The following FAM167A variants were observed in gnomAD, a reference collection of about 807,000 sequenced individuals.
FAM167A encodes the protein protein FAM167A.
A neutral mutation model predicts 14.9 loss-of-function variants in FAM167A; 23 were observed. That is an observed-to-expected ratio of 1.55 (90% CI 1.11 to 2.19). FAM167A has a LOEUF of 2.19. Among genes scored for constraint, FAM167A ranks in the 30% most tolerant of loss-of-function variants. The pLI is 0.00. For synonymous variants in FAM167A, 174 were observed against 117.7 expected, an observed-to-expected ratio of 1.48 and a Z score of -3.10; for missense variants, 401 against 281.5, an observed-to-expected ratio of 1.42 and a Z score of -3.04.
chr8:11,466,098 C>T (rs1449226758), intron 1 of FAM167A, among the ~76,000 whole-genome samples: 2 of 152,136 alleles, frequency 1.3e-5, no homozygotes, highest in African/African-American at 4.8e-5. Flanking sequence ...TCCCGGGGGC[C>T]CCTGCGGCTG....
At chr8:11,449,015 A>G (rs1252203290) in intron 1 of FAM167A, among the ~76,000 whole-genome samples, 1 of 152,228 alleles carries the variant, frequency 6.6e-6, no homozygotes, top group African/African-American at 2.4e-5. Flanking sequence ...TTGGGGAGTC[A>G]CTATTTTAGA....
At chr8:11,435,018 C>G (rs1303525510) in intron 2 of FAM167A, 1 of 456,648 alleles carries the variant, frequency 2.2e-6, no homozygotes, top group Non-Finnish European at 4.4e-6. Flanking sequence ...GGGCCTCCTC[C>G]CTGCCTGCCT....
At chr8:11,434,847 A>G in intron 2 of FAM167A, 1 of 353,566 alleles carries the variant, frequency 2.8e-6, no homozygotes, top group Non-Finnish European at 5.6e-6. Context: ...CTTGGAACTG[A>G]GGAGGTTCTG....
At chr8:11,443,755 G>C in intron 2 of FAM167A, 2 of 410,660 alleles carry the variant, frequency 4.9e-6, no homozygotes, top group Non-Finnish European at 8.8e-6. Flanking sequence ...GGGGAGGGGG[G>C]TACACCTTAA....
intron 2 of FAM167A, among the ~76,000 whole-genome samples, chr8:11,438,969 G>C (rs951769494): frequency 2.0e-5 from 3 of 152,338 alleles, no homozygotes; most frequent in African/African-American, 7.2e-5. Flanking sequence ...GCAACCTCCT[G>C]TGTGACCTTT....
rs1804888633 is a variant in FAM167A, at chr8:11,423,283, A to C, written c.*1090T>G. 1 of 152,376 alleles carries C rather than the reference A, an allele frequency of 6.6e-6. No individual in the cohort carries two copies. Among genetic ancestry groups the C allele is most frequent in the South Asian group, 2.1e-4 (1 of 4,820 alleles). 9.4% of individuals were successfully genotyped at this position (152,376 alleles called of 1,614,324 possible). On this transcript the variant is annotated 3_prime_UTR_variant, in exon 3 of 3. Transcript: ENST00000284486. Reference sequence around the variant, plus strand: ...CTTGCTGATCCTCAAGCCTGTTGGGAGGGAGAAACTCTTAAAATCAAATCC... The same window carrying C: ...CTTGCTGATCCTCAAGCCTGTTGGGCGGGAGAAACTCTTAAAATCAAATCC...
At position 11,455,037 on chromosome 8, in the gene FAM167A, C is replaced by T. The variant is rs543689002; in HGVS notation, c.-397-10229G>A. Among the ~76,000 whole-genome samples, 13 of 152,342 alleles carry T rather than the reference C, an allele frequency of 8.5e-5. No individual in the cohort carries two copies. The East Asian group carries it at 1.5e-3, about 18-fold the overall frequency. ...CTGCATTCCAAGCCTTGGTCAGAGCCGGTGTCAGGAGCCCTGACATGGAGA... is the reference window on the plus strand; with the variant it reads ...CTGCATTCCAAGCCTTGGTCAGAGCTGGTGTCAGGAGCCCTGACATGGAGA... On this transcript the variant is annotated intron_variant, in intron 1 of 2. Transcript: ENST00000284486.
rs780281784 is a variant in FAM167A, at chr8:11,423,005, C to T, written c.*1368G>A. On this transcript the variant is annotated 3_prime_UTR_variant, in exon 3 of 3. Transcript: ENST00000284486. Reference sequence around the variant, plus strand: ...CATCTTTGGGGTTCAAGTTCATTGACATGTGATCTACTAGGCATTATCAAT... The same window carrying T: ...CATCTTTGGGGTTCAAGTTCATTGATATGTGATCTACTAGGCATTATCAAT... 6.6e-6 allele frequency: 1 copy of T among 152,656 alleles called. No individual in the cohort carries two copies. The highest frequency in any genetic ancestry group is 1.5e-5 in the Non-Finnish European group (1 of 68,052). The allele number at this position is 152,656 out of a possible 1,614,324, so 9.5% of individuals were successfully genotyped here.
chr8:11,441,722 A>G (rs1246557711), intron 2 of FAM167A, among the ~76,000 whole-genome samples: 1 of 152,144 alleles, frequency 6.6e-6, no homozygotes, highest in Non-Finnish European at 1.5e-5. Flanking sequence ...CAATTTATCC[A>G]TCCATGAAAT....
Position 11,421,659 on chromosome 8 carries a change from C to T in FAM167A, c.*2714G>A. ...TCAGGCATCGTCAAGCCTGCCCAGGCCCTCCAGGCCTCTTTGATAGCTACT... is the reference window on the plus strand; with the variant it reads ...TCAGGCATCGTCAAGCCTGCCCAGGTCCTCCAGGCCTCTTTGATAGCTACT... On this transcript the variant is annotated 3_prime_UTR_variant, in exon 3 of 3. Transcript: ENST00000284486. 1 of 398,894 alleles carries T rather than the reference C, an allele frequency of 2.5e-6. No individual in the cohort carries two copies. Among genetic ancestry groups the T allele is most frequent in the Non-Finnish European group, 4.4e-6 (1 of 226,038 alleles). The allele number at this position is 398,894 out of a possible 1,614,324, so 24.7% of individuals were successfully genotyped here.
At chr8:11,463,113 G>A (rs926138668) in intron 1 of FAM167A, among the ~76,000 whole-genome samples, 17 of 152,314 alleles carry the variant, frequency 1.1e-4, no homozygotes, top group East Asian at 7.7e-4. Flanking sequence ...AAATGTGTAC[G>A]TCTGGCAGAA....
intron 2 of FAM167A, among the ~76,000 whole-genome samples, chr8:11,440,680 C>T (rs1041863635): frequency 3.3e-5 from 5 of 152,198 alleles, no homozygotes; most frequent in African/African-American, 1.2e-4. Context: ...AATATCCACA[C>T]GACTAAGGGA....
intron 1 of FAM167A, among the ~76,000 whole-genome samples, chr8:11,456,587 G>A (rs1585274932): frequency 6.6e-6 from 1 of 151,468 alleles, no homozygotes; most frequent in East Asian, 1.9e-4. Context: ...GGATGAGTGT[G>A]AGAGTGTGGG....
chr8:11,454,416 C>G (rs747909228), intron 1 of FAM167A, among the ~76,000 whole-genome samples: 1 of 152,214 alleles, frequency 6.6e-6, no homozygotes, highest in Non-Finnish European at 1.5e-5. Flanking sequence ...TCTACCTTGC[C>G]CTGATGTTGC....
intron 2 of FAM167A, among the ~76,000 whole-genome samples, chr8:11,431,917 A>AAAAAAT (rs752330983): frequency 1.0e-5 from 1 of 99,494 alleles, no homozygotes; most frequent in Non-Finnish European, 2.0e-5. Context: ...AAAAAAAAAA[A>AAAAAAT]AAGGATTTTG....
intron 1 of FAM167A, among the ~76,000 whole-genome samples, chr8:11,474,197 G>A (rs1317559493): frequency 4.6e-5 from 7 of 152,284 alleles, no homozygotes; most frequent in East Asian, 1.9e-4. Context: ...TCACGTCTGC[G>A]CGCCAACTGC....
intron 2 of FAM167A, among the ~76,000 whole-genome samples, chr8:11,434,391 G>A (rs1805847710): frequency 6.6e-6 from 1 of 152,184 alleles, no homozygotes; most frequent in Non-Finnish European, 1.5e-5. Context: ...TCACTGGGCT[G>A]ACTTGCATGC....
chr8:11,467,443 C>G (rs1807818172), upstream of FAM167A: 1 of 152,668 alleles, frequency 6.6e-6, no homozygotes, highest in Non-Finnish European at 1.5e-5. Flanking sequence ...CAGGACCAGT[C>G]CCAGCTTCTG....
chr8:11,445,322 C>G, intron 1 of FAM167A: 5 of 986,150 alleles, frequency 5.1e-6, no homozygotes, highest in Non-Finnish European at 6.0e-6. Context: ...GCCCCCTCAC[C>G]ACCTCCACCC....
Sources: allele counts gnomAD v4.1 joint callset (sites outside exome capture counted in the v4.1 genomes callset), GRCh38; gene constraint gnomAD v4.1.1; transcripts MANE v1.5; gene names NCBI Gene and HGNC (gene_info 2026-07-23, HGNC 2026-07-21).